Variants in NBEA observed in about 807,000 individuals in gnomAD.
NBEA encodes lysosomal-trafficking regulator 2.
NBEA carries 44 observed loss-of-function variants against 343.4 expected under a neutral mutation model. The ratio of observed to expected loss-of-function variants is 0.13; its 90% confidence interval spans 0.10 to 0.16. NBEA has a LOEUF of 0.16. Among genes scored for constraint, NBEA ranks in the 10% least tolerant of loss-of-function variants. The pLI, the probability that NBEA is intolerant of heterozygous loss-of-function variation, is 1.00. For synonymous variants in NBEA, 1,175 were observed against 1,238.7 expected (o/e 0.95, Z 1.08); for missense variants, 2,555 against 3,631.3 (o/e 0.70, Z 7.62).
At chr13:35,026,326 GA>G (rs1233088458) in intron 1 of NBEA, among the ~76,000 whole-genome samples, 4 of 152,088 alleles carry the variant, frequency 2.6e-5, no homozygotes, top group Non-Finnish European at 5.9e-5. Context: ...AGCAGTGTGA[GA>G]ACAGACTAAT....
intron 41 of NBEA, among the ~76,000 whole-genome samples, chr13:35,490,790 C>A (rs753617420): frequency 2.6e-5 from 4 of 152,002 alleles, no homozygotes; most frequent in Middle Eastern, 3.4e-3. Context: ...AACTTCTGGC[C>A]TCATTTCATT....
At chr13:35,297,525 G>A (rs1307670203) in intron 35 of NBEA, among the ~76,000 whole-genome samples, 3 of 151,884 alleles carry the variant, frequency 2.0e-5, no homozygotes, top group African/African-American at 4.8e-5. Context: ...TTTATGAAGA[G>A]CATTTAAAAT....
intron 44 of NBEA, among the ~76,000 whole-genome samples, chr13:35,566,349 A>G (rs1182214265): frequency 1.3e-5 from 2 of 150,560 alleles, no homozygotes; most frequent in Non-Finnish European, 2.9e-5. Context: ...CGACAGAGGG[A>G]GACACCATCT....
At chr13:35,279,669 C>G (rs539512498) in intron 34 of NBEA, among the ~76,000 whole-genome samples, 1 of 152,168 alleles carries the variant, frequency 6.6e-6, no homozygotes, top group African/African-American at 2.4e-5. Context: ...ATATGTTGTT[C>G]CTTGCTCTCT....
intron 38 of NBEA, among the ~76,000 whole-genome samples, chr13:35,386,832 G>C (rs964389786): frequency 7.2e-5 from 11 of 152,200 alleles, no homozygotes; most frequent in South Asian, 6.2e-4. Flanking sequence ...GAAGATCAAT[G>C]TTTTAAAAAT....
chr13:35,130,866 T>C (rs2067383616), intron 17 of NBEA, among the ~76,000 whole-genome samples: 1 of 151,986 alleles, frequency 6.6e-6, no homozygotes, highest in African/African-American at 2.4e-5. Flanking sequence ...AATAGAAATA[T>C]ATATATCTTC....
At chr13:35,173,198 G>T (rs1415643472) in intron 26 of NBEA, among the ~76,000 whole-genome samples, 1 of 152,124 alleles carries the variant, frequency 6.6e-6, no homozygotes, top group Non-Finnish European at 1.5e-5. Flanking sequence ...TACATTGGGG[G>T]TTTCAGAGCC....
At chr13:35,455,456 G>A (rs17759524) in intron 40 of NBEA, among the ~76,000 whole-genome samples, 4,533 of 151,422 alleles carry the variant, frequency 0.03, 107 homozygotes, top group Non-Finnish European at 0.045. Context: ...CTAGGAGCCA[G>A]ACATCAAAAC....
At chr13:35,370,649 G>A (rs1396665667) in intron 38 of NBEA, among the ~76,000 whole-genome samples, 1 of 151,872 alleles carries the variant, frequency 6.6e-6, no homozygotes, top group Non-Finnish European at 1.5e-5. Context: ...GTGGTTTGGT[G>A]GTATTCTATA....
chr13:35,108,069 T>C (rs927429972), intron 11 of NBEA, among the ~76,000 whole-genome samples: 1 of 152,104 alleles, frequency 6.6e-6, no homozygotes, highest in Non-Finnish European at 1.5e-5. Context: ...ATGAAAAATG[T>C]AGCTAAATCA....
At chr13:35,476,817 A>G in intron 41 of NBEA, 2 of 1,016,882 alleles carry the variant, frequency 2.0e-6, no homozygotes, top group Non-Finnish European at 2.4e-6. Context: ...CCACTCATGG[A>G]TATAGGCACA....
At chr13:35,410,389 T>G (rs913630196) in intron 38 of NBEA, among the ~76,000 whole-genome samples, 8 of 152,122 alleles carry the variant, frequency 5.3e-5, no homozygotes, top group African/African-American at 1.9e-4. Flanking sequence ...CAATGTAAAT[T>G]GATATAATAA....
chr13:34,969,966 C>G (rs2059948858), intron 1 of NBEA, among the ~76,000 whole-genome samples: 1 of 152,106 alleles, frequency 6.6e-6, no homozygotes, highest in Admixed American at 6.6e-5. Flanking sequence ...TTTGAGAAAT[C>G]ATTGCACTAT....
At chr13:35,299,946 A>G (rs907484923) in intron 35 of NBEA, among the ~76,000 whole-genome samples, 2 of 152,186 alleles carry the variant, frequency 1.3e-5, no homozygotes, top group Non-Finnish European at 2.9e-5. Context: ...GAGTGCTAGG[A>G]CAGGGACTAA....
At chr13:35,610,510 GGAA>G (rs1202917282) in intron 48 of NBEA, among the ~76,000 whole-genome samples, 1 of 152,020 alleles carries the variant, frequency 6.6e-6, no homozygotes, top group Admixed American at 6.6e-5. Context: ...AAAAGGAAGG[GGAA>G]GGTTTCAGTC....
chr13:35,290,412 A>G lies in NBEA; in HGVS notation c.5800A>G (p.Thr1934Ala). Residue 1934 changes from threonine (T) to alanine (A), a missense_variant, in exon 35 of 59, where the codon ACA becomes GCA. Physicochemically the swap from Thr to Ala is moderately conservative, Grantham distance 58 (BLOSUM62 0). Around this residue, in one of 21 missense-constraint regions of NBEA, gnomAD observed 84 missense variants for 196.4 expected, o/e 0.43. Coordinates refer to ENST00000379939, the MANE Select transcript of NBEA (RefSeq NM_001385012.1). ...AGGCCTTGTTTGTATGAAGTCCAGCACATCTGTGGTTGAGCTTGTTATGCT... is the reference window on the plus strand; with the variant it reads ...AGGCCTTGTTTGTATGAAGTCCAGCGCATCTGTGGTTGAGCTTGTTATGCT... ...IEGLVCMKSS[T>A]SVVELVMLLC... 6.2e-7 allele frequency: 1 copy of G among 1,607,224 alleles called. No homozygotes were observed. Among genetic ancestry groups the G allele is most frequent in the Non-Finnish European group, 8.5e-7 (1 of 1,175,244 alleles).
chr13:35,199,444 A>G (rs1566447006), intron 31 of NBEA, among the ~76,000 whole-genome samples: 1 of 152,132 alleles, frequency 6.6e-6, no homozygotes, highest in Non-Finnish European at 1.5e-5. Flanking sequence ...TTTAATCTTT[A>G]GTTGAAAAGT....
chr13:35,321,089 T>C (rs1007519579), intron 36 of NBEA, among the ~76,000 whole-genome samples: 2 of 152,132 alleles, frequency 1.3e-5, no homozygotes, highest in African/African-American at 4.8e-5. Context: ...TGAAGCCTGC[T>C]TCTGTCAATT....
chr13:35,262,362 A>C (rs1373388834), intron 34 of NBEA, among the ~76,000 whole-genome samples: 1 of 152,250 alleles, frequency 6.6e-6, no homozygotes, highest in Non-Finnish European at 1.5e-5. Flanking sequence ...TTATGTTCAC[A>C]CAAAAACCTA....
Sources: allele counts gnomAD v4.1 joint callset (sites outside exome capture counted in the v4.1 genomes callset), GRCh38; gene constraint gnomAD v4.1.1; regional missense constraint gnomAD v4.1.1; transcripts MANE v1.5; gene names NCBI Gene and HGNC (gene_info 2026-07-23, HGNC 2026-07-21).